ZDHHC13: variants seen among roughly 807,000 people sequenced by gnomAD.
ZDHHC13 encodes palmitoyltransferase ZDHHC13.
A neutral mutation model predicts 86.0 loss-of-function variants in ZDHHC13; 85 were observed. That is an observed-to-expected ratio of 0.99 (90% CI 0.83 to 1.18). The LOEUF is 1.18. ZDHHC13 is among the 50% of genes most tolerant of loss of function. The pLI, the probability that ZDHHC13 is intolerant of heterozygous loss-of-function variation, is 0.00. For synonymous variants in ZDHHC13, 263 were observed against 246.4 expected (o/e 1.07, Z -0.63); for missense variants, 711 against 730.2 (o/e 0.97, Z 0.30).
intron 1 of ZDHHC13, among the ~76,000 whole-genome samples, chr11:19,135,798 C>A (rs1271947622): frequency 1.3e-5 from 2 of 152,214 alleles, no homozygotes; most frequent in South Asian, 2.1e-4. Flanking sequence ...GGGAGGCACC[C>A]CCCAGCAGGG....
chr11:19,165,291 C>T, intron 13 of ZDHHC13, 146 bp downstream of exon 13: 6 of 700,904 alleles, frequency 8.6e-6, no homozygotes, highest in Non-Finnish European at 1.4e-5. Context: ...CGTTATTATG[C>T]TACAGGTAAC....
At chr11:19,148,161 TCTC>T (rs1849519188) in intron 4 of ZDHHC13, among the ~76,000 whole-genome samples, 1 of 152,050 alleles carries the variant, frequency 6.6e-6, no homozygotes, top group Non-Finnish European at 1.5e-5. Flanking sequence ...GTGTGGTCAC[TCTC>T]CTTTTTTCTC....
chr11:19,150,145 T>C (rs1231296879), intron 5 of ZDHHC13, among the ~76,000 whole-genome samples: 2 of 152,186 alleles, frequency 1.3e-5, no homozygotes, highest in Non-Finnish European at 2.9e-5. Flanking sequence ...CTGAAACCAT[T>C]GCTGTATACC....
chr11:19,175,745 A>T (rs1167501363), intron 16 of ZDHHC13, 77 bp from the exon 17 acceptor site: 15 of 1,545,998 alleles, frequency 9.7e-6, no homozygotes, highest in African/African-American at 2.8e-5. Flanking sequence ...ATTGCATATT[A>T]TAGATTCTCC....
intron 4 of ZDHHC13, 107 bp downstream of exon 4, chr11:19,147,780 C>CCT: frequency 5.3e-6 from 4 of 754,020 alleles, no homozygotes; most frequent in South Asian, 3.1e-5. Context: ...CTTCCCCCCC[C>CCT]CCCTTTATTT....
intron 1 of ZDHHC13, among the ~76,000 whole-genome samples, chr11:19,135,617 G>A (rs1362233443): frequency 6.6e-6 from 1 of 152,216 alleles, no homozygotes. Context: ...ACCTCTGGGG[G>A]CAGGGCACAG....
chr11:19,153,493 T>A (rs1042133456), intron 8 of ZDHHC13, among the ~76,000 whole-genome samples: 1 of 152,234 alleles, frequency 6.6e-6, no homozygotes, highest in Admixed American at 6.5e-5. Flanking sequence ...AGGATCATCA[T>A]GAATGCTACA....
At position 19,140,293 on chromosome 11, in the gene ZDHHC13, C is replaced by G. The variant is rs566516044; in HGVS notation, c.28-2685C>G. 1.0e-3 allele frequency among the ~76,000 whole-genome samples: 153 copies of G among 152,280 alleles called. 3 individuals carry two copies. The East Asian group carries it at 0.02, about 20-fold the overall frequency. Reference sequence around the variant, plus strand: ...CACTTCTCAAAAGAAGACATTTATGCAGTCAAAAGACATATGAAAAAATGC... The same window carrying G: ...CACTTCTCAAAAGAAGACATTTATGGAGTCAAAAGACATATGAAAAAATGC... On this transcript the variant is annotated intron_variant, in intron 1 of 16. Transcript: ENST00000446113.
chr11:19,169,280 CT>C (rs1850154492), intron 14 of ZDHHC13: 1 of 985,314 alleles, frequency 1.0e-6, no homozygotes, highest in African/African-American at 1.7e-5. Context: ...ATGCATCTTT[CT>C]TTGCCATCCT....
chr11:19,170,375 C>CTTTTTTTTTTT (rs55637113), intron 14 of ZDHHC13, 36 bp from the exon 15 acceptor site: 22 of 1,235,198 alleles, frequency 1.8e-5, no homozygotes, highest in South Asian at 1.2e-4. Context: ...AGTTTATTGC[C>CTTTTTTTTTTT]TTTTTTTTTT....
In ZDHHC13 at chr11:19,166,331, T is replaced by C; in HGVS notation, c.1420T>C (p.Phe474Leu). 6.2e-7 allele frequency: 1 copy of C among 1,612,350 alleles called. No individual in the cohort carries two copies. The highest frequency in any genetic ancestry group is 8.5e-7 in the Non-Finnish European group (1 of 1,179,460). ...TGGCAACCATCACTATTACATATTC[T>C]TCTTGTTTTTCCTTTCCATGGTATG... Reference protein sequence around the residue: ...GFGNHHYYIFFLFFLSMVCGW... With the variant: ...GFGNHHYYIFLLFFLSMVCGW... The change falls in exon 14 of 17, where the codon TTC (phenylalanine) becomes CTC (leucine). Residue 474 changes from phenylalanine to leucine, a missense_variant. Transcript: ENST00000446113.
intron 5 of ZDHHC13, 67 bp downstream of exon 5, chr11:19,149,398 A>G: frequency 2.9e-6 from 4 of 1,374,574 alleles, no homozygotes; most frequent in Non-Finnish European, 2.9e-6. Context: ...AATTATTAGT[A>G]GTAGTCTCTT....
intron 1 of ZDHHC13, among the ~76,000 whole-genome samples, chr11:19,139,166 C>G (rs868798789): frequency 6.6e-6 from 1 of 151,738 alleles, no homozygotes; most frequent in African/African-American, 2.4e-5. Context: ...TAGAAAACCC[C>G]ATTGTCTCAG....
At chr11:19,164,447 TG>T in intron 12 of ZDHHC13, 84 bp downstream of exon 12, 2 of 1,329,064 alleles carry the variant, frequency 1.5e-6, no homozygotes, top group Non-Finnish European at 1.1e-6. Flanking sequence ...CAGATCTTCA[TG>T]GTATATTTAT....
intron 1 of ZDHHC13, among the ~76,000 whole-genome samples, chr11:19,140,909 A>T (rs1295902115): frequency 9.9e-6 from 1 of 101,170 alleles, no homozygotes; most frequent in East Asian, 3.4e-4. Flanking sequence ...TACTCTGGGG[A>T]CTGTTGTGGG....
intron 6 of ZDHHC13, among the ~76,000 whole-genome samples, chr11:19,151,403 T>C (rs1590079145): frequency 6.6e-6 from 1 of 152,024 alleles, no homozygotes; most frequent in African/African-American, 2.4e-5. Context: ...TATGTTGTAT[T>C]GAATCTCTGA....
At chr11:19,130,857 T>G (rs993200029) in intron 1 of ZDHHC13, among the ~76,000 whole-genome samples, 4 of 152,040 alleles carry the variant, frequency 2.6e-5, no homozygotes, top group Admixed American at 2.6e-4. Context: ...TTTGTTTTTT[T>G]TTTTTTGAAA....
At chr11:19,130,220 A>T (rs1848965485) in intron 1 of ZDHHC13, among the ~76,000 whole-genome samples, 1 of 152,216 alleles carries the variant, frequency 6.6e-6, no homozygotes, top group Non-Finnish European at 1.5e-5. Flanking sequence ...AAAGATTTTC[A>T]TTATGAATCA....
chr11:19,138,911 T>A (rs1380589672), intron 1 of ZDHHC13, among the ~76,000 whole-genome samples: 1 of 151,202 alleles, frequency 6.6e-6, no homozygotes, highest in Non-Finnish European at 1.5e-5. Context: ...ATGGGACGTA[T>A]CTCAAAATAA....
Sources: allele counts gnomAD v4.1 joint callset (sites outside exome capture counted in the v4.1 genomes callset), GRCh38; gene constraint gnomAD v4.1.1; transcripts MANE v1.5; gene names NCBI Gene and HGNC (gene_info 2026-07-23, HGNC 2026-07-21).